DUOXA2: variants seen among roughly 807,000 people sequenced by gnomAD.
DUOXA2 encodes the protein dual oxidase maturation factor 2.
In DUOXA2, 22 loss-of-function variants were observed where a neutral mutation model predicts 27.6. The observed-to-expected ratio is 0.80, with a 90% CI of 0.57 to 1.14. The LOEUF (loss-of-function observed/expected upper bound fraction) is 1.14. Among genes scored for constraint, DUOXA2 ranks in the 50% most tolerant of loss-of-function variants. The pLI, the probability that DUOXA2 is intolerant of heterozygous loss-of-function variation, is 0.00. For missense variants in DUOXA2, 481 were observed against 419.9 expected, an observed-to-expected ratio of 1.15 and a Z score of -1.27; for synonymous variants, 188 against 184.4, an observed-to-expected ratio of 1.02 and a Z score of -0.16.
rs768094653 is a variant in DUOXA2 at position 45,114,698 on chromosome 15, T to G, written c.93T>G (p.Phe31Leu). ...SVPLLIVILVFLALAASFLLI... is the reference protein window; with the variant it reads ...SVPLLIVILVLLALAASFLLI... ...CACTGCTCATCGTTATTCTAGTGTTTTTGGCTCTAGCAGCAAGCTTCCTGC... is the reference window on the plus strand; with the variant it reads ...CACTGCTCATCGTTATTCTAGTGTTGTTGGCTCTAGCAGCAAGCTTCCTGC... Residue 31 changes from phenylalanine (F) to leucine (L), a missense_variant, in exon 1 of 6, where the codon TTT (phenylalanine) becomes TTG (leucine). Coordinates refer to ENST00000323030, the MANE Select transcript of DUOXA2 (RefSeq NM_207581.4). 3.5e-5 allele frequency: 57 copies of G among 1,614,082 alleles called. No individual in the cohort carries two copies. The East Asian group carries it at 1.2e-3, about 34-fold the overall frequency.
chr15:45,116,401 C>T (rs2141165605), intron 3 of DUOXA2, 115 bp from the exon 4 acceptor site: 1 of 1,554,766 alleles, frequency 6.4e-7, no homozygotes, highest in East Asian at 2.3e-5. Flanking sequence ...TCTCCAACCA[C>T]CACCGAACCC....
Position 45,118,145 on chromosome 15 carries a change from G to A in DUOXA2, c.*236G>A. 25 of 1,439,220 alleles carry A rather than the reference G, an allele frequency of 1.7e-5. No homozygotes were observed. Among genetic ancestry groups the A allele is most frequent in the Admixed American group, 1.7e-4 (6 of 36,184 alleles). The allele number at this position is 1,439,220 out of a possible 1,614,324, so 89.2% of individuals were successfully genotyped here. A position where few individuals can be genotyped will look rare whatever the true frequency, so the allele number is the denominator to read the frequency against. ...TAATTTTCATGGCTTCTCCGCGCCG[G>A]GGTCGCACGTCCTCATGAGCTTCGC... is the stretch of plus-strand genomic sequence containing the variant. On this transcript the variant is annotated 3_prime_UTR_variant, in exon 6 of 6. Transcript: ENST00000323030.
At position 45,118,198 on chromosome 15, in the gene DUOXA2, C is replaced by G; in HGVS notation, c.*289C>G. The G allele has an allele frequency of 4.9e-6, 7 of 1,425,192 alleles. No homozygotes were observed. The highest frequency in any genetic ancestry group is 6.4e-6 in the Non-Finnish European group (7 of 1,095,342). 88.3% of individuals were successfully genotyped at this position (1,425,192 alleles called of 1,614,324 possible). A position where few individuals can be genotyped will look rare whatever the true frequency, so the allele number is the denominator to read the frequency against. ...GGCTGGAGACAGCCTAGTACACTCT[C>G]CGCAGTGCTGTGAAACCTGATTCTC... On this transcript the variant is annotated 3_prime_UTR_variant, in exon 6 of 6. Transcript: ENST00000323030.
chr15:45,114,618 A>T lies in DUOXA2; in HGVS notation c.13A>T (p.Asn5Tyr), dbSNP rs1486208763. 1 of 1,613,950 alleles carries T rather than the reference A, an allele frequency of 6.2e-7. No individual in the cohort carries two copies. The highest frequency in any genetic ancestry group is 8.5e-7 in the Non-Finnish European group (1 of 1,180,006). The change falls in exon 1 of 6, where the codon AAC becomes TAC. Residue 5 changes from asparagine (N) to tyrosine (Y), a missense_variant. By Grantham distance (143) the Asn-to-Tyr change is moderately radical. Coordinates refer to ENST00000323030, the MANE Select transcript of DUOXA2 (RefSeq NM_207581.4). MTLWNGVLPFYPQPR... is the reference protein window; with the variant it reads MTLWYGVLPFYPQPR... ...GCCGGCGTGCAGCATGACCCTGTGG[A>T]ACGGCGTACTGCCTTTTTACCCCCA... is the stretch of plus-strand genomic sequence containing the variant.
At position 45,114,741 on chromosome 15, in the gene DUOXA2, C is replaced by T. The variant is rs759745870; in HGVS notation, c.136C>T (p.Arg46Cys). ...CTTCCTGCTCATCTTGCCGGGGATC[C>T]GTGGCCACTCGGTAAGGGTGTCCTC... is the stretch of plus-strand genomic sequence containing the variant. ...ASFLLILPGI[R>C]GHSRWFWLVR... The change falls in exon 1 of 6, where the codon CGT becomes TGT. Residue 46 changes from arginine to cysteine, a missense_variant. Transcript: ENST00000323030. 4.5e-5 allele frequency: 72 copies of T among 1,614,080 alleles called. No individual in the cohort carries two copies. Among genetic ancestry groups the T allele is most frequent in the Admixed American group, 6.7e-5 (4 of 60,014 alleles).
In DUOXA2 at chr15:45,116,740, G is replaced by C. The variant is rs1028293631; in HGVS notation, c.554+11G>C. The C allele has an allele frequency of 6.2e-7, 1 of 1,612,304 alleles. No individual in the cohort carries two copies. The highest frequency in any genetic ancestry group is 2.2e-5 in the East Asian group (1 of 44,876). On this transcript the variant is annotated intron_variant, in intron 4 of 5. Transcript: ENST00000323030. ...CTCGGCCACGCTATGGTAAGTGCTG[G>C]AGGGAAGGCTGTGTGCACGTGTGTG...
intron 1 of DUOXA2, 24 bp downstream of exon 1, chr15:45,114,776 G>A: frequency 6.2e-7 from 1 of 1,614,162 alleles, no homozygotes; most frequent in South Asian, 1.1e-5. Context: ...CATAGTGCAG[G>A]TAGAGTGGGG....
At chr15:45,115,371 T>G (rs970677670) in intron 1 of DUOXA2, 13 of 462,954 alleles carry the variant, frequency 2.8e-5, no homozygotes, top group Middle Eastern at 3.2e-4. Context: ...CCTAGGAGTA[T>G]CTGCATTCCC....
chr15:45,117,971 G>T lies in DUOXA2; in HGVS notation c.*62G>T. 3 of 1,612,748 alleles carry T rather than the reference G, an allele frequency of 1.9e-6. No individual in the cohort carries two copies. Among genetic ancestry groups the T allele is most frequent in the South Asian group, 1.1e-5 (1 of 91,054 alleles). ...CATCGCAGGCCGGGAAGCAGTGCCC[G>T]CCAGGCCTGGGCCAGGAGAGCTCCA... On this transcript the variant is annotated 3_prime_UTR_variant, in exon 6 of 6. Transcript: ENST00000323030.
At chr15:45,117,360 CG>C (rs1053796393) in intron 5 of DUOXA2, 55 bp downstream of exon 5, 1 of 1,518,136 alleles carries the variant, frequency 6.6e-7, no homozygotes, top group African/African-American at 1.4e-5. Context: ...GGATTCACAC[CG>C]GGTGTGCACT....
At position 45,116,134 on chromosome 15, in the gene DUOXA2, C is replaced by A; in HGVS notation, c.216C>A (p.Phe72Leu). Residue 72 changes from phenylalanine to leucine, a missense_variant, in exon 3 of 6, where the codon TTC becomes TTA. Physicochemically the swap from Phe to Leu is conservative, Grantham distance 22. Transcript: ENST00000323030. ...FIGAEIVAVH[F>L]SAEWFVGTVN... ...TGCCTTTCCCTACAGCTGTGCACTT[C>A]AGTGCAGAATGGTTCGTGGGTACAG... The A allele has an allele frequency of 1.2e-6, 2 of 1,605,462 alleles. No individual in the cohort carries two copies. Among genetic ancestry groups the A allele is most frequent in the African/African-American group, 2.7e-5 (2 of 74,808 alleles).
chr15:45,116,330 C>A, intron 3 of DUOXA2, 72 bp downstream of exon 3: 4 of 1,599,016 alleles, frequency 2.5e-6, no homozygotes, highest in Non-Finnish European at 3.4e-6. Context: ...TCAGGGATAG[C>A]TGGAGGGCCT....
chr15:45,118,014 T>G lies in DUOXA2; in HGVS notation c.*105T>G. On this transcript the variant is annotated 3_prime_UTR_variant, in exon 6 of 6. Coordinates refer to ENST00000323030, the MANE Select transcript of DUOXA2 (RefSeq NM_207581.4). ...GAGCTCCAGGAAGGGCACTGAGCGC[T>G]GCTGGCGCGAGGCCTCGGACATCCG... 6.2e-7 allele frequency: 1 copy of G among 1,604,518 alleles called. No individual in the cohort carries two copies. Among genetic ancestry groups the G allele is most frequent in the Non-Finnish European group, 8.5e-7 (1 of 1,173,204 alleles).
intron 5 of DUOXA2, 28 bp downstream of exon 5, chr15:45,117,333 G>C (rs1486686228): frequency 1.5e-5 from 23 of 1,557,310 alleles, no homozygotes; most frequent in Non-Finnish European, 2.0e-5. Context: ...GGGCCCCGGG[G>C]GCTAAGGGTG....
chr15:45,116,381 A>C, intron 3 of DUOXA2, 123 bp downstream of exon 3: 1 of 1,565,722 alleles, frequency 6.4e-7, no homozygotes, highest in South Asian at 1.1e-5. Flanking sequence ...GTCCTCGTGG[A>C]TTTGCGTTTT....
At chr15:45,116,302 C>T (rs1336408395) in intron 3 of DUOXA2, 44 bp downstream of exon 3, 1 of 1,610,402 alleles carries the variant, frequency 6.2e-7, no homozygotes, top group Non-Finnish European at 8.5e-7. Context: ...CTGGGAGATC[C>T]CCGGTTAGGT....
At chr15:45,116,460 C>G (rs1446372808) in intron 3 of DUOXA2, 56 bp from the exon 4 acceptor site, 2 of 1,601,540 alleles carry the variant, frequency 1.2e-6, no homozygotes, top group Non-Finnish European at 1.7e-6. Context: ...TCTGAATCCG[C>G]TTAGTTGCGA....
rs535767563 is a variant in DUOXA2, at chr15:45,118,117, C to T, written c.*208C>T. ...TTTGTTTTTTAAAAACTGTTTTTCC[C>T]ATTAATTTTCATGGCTTCTCCGCGC... On this transcript the variant is annotated 3_prime_UTR_variant, in exon 6 of 6. Transcript: ENST00000323030. 5.4e-5 allele frequency: 79 copies of T among 1,456,200 alleles called. No homozygotes were observed. In the African/African-American group the frequency reaches 1.0e-3, roughly 19 times the overall value. The allele number at this position is 1,456,200 out of a possible 1,614,324, so 90.2% of individuals were successfully genotyped here.
At chr15:45,117,437 A>G (rs1894712574) in intron 5 of DUOXA2, 132 bp downstream of exon 5, 7 of 1,528,842 alleles carry the variant, frequency 4.6e-6, no homozygotes, top group Non-Finnish European at 6.2e-6. Context: ...TCGCAGAAAC[A>G]GGCACTGTTA....
Sources: gnomAD v4.1 joint callset for allele counts on GRCh38, gnomAD v4.1.1 for gene constraint, MANE v1.5 for transcripts, NCBI Gene and HGNC (gene_info 2026-07-23, HGNC 2026-07-21) for gene names.